The following COL21A1 variants were observed in gnomAD, a reference collection of about 807,000 sequenced individuals.
COL21A1 encodes the protein collagen alpha-1(XXI) chain.
In COL21A1, 149 loss-of-function variants were observed where a neutral mutation model predicts 137.9. The ratio of observed to expected loss-of-function variants is 1.08; its 90% confidence interval spans 0.95 to 1.24. The LOEUF (loss-of-function observed/expected upper bound fraction) is 1.24. Ranked by LOEUF, COL21A1 falls within the 50% of genes most tolerant of loss-of-function variation. The probability of loss-of-function intolerance (pLI) is 0.00; values close to 1 mark genes in which losing one functional copy is unlikely to be tolerated. For synonymous variants in COL21A1, 456 were observed against 391.5 expected (o/e 1.16, Z -1.95); for missense variants, 1,167 against 1,158.4 (o/e 1.01, Z -0.11).
At chr6:56,194,854 ACTTAATC>A (rs1167988991) in intron 1 of COL21A1, among the ~76,000 whole-genome samples, 1 of 152,194 alleles carries the variant, frequency 6.6e-6, no homozygotes, top group Non-Finnish European at 1.5e-5. Flanking sequence ...TCATGTTAAA[ACTTAATC>A]CTTAATGCAG....
At chr6:56,319,611 T>C (rs974019355) in intron 1 of COL21A1, among the ~76,000 whole-genome samples, 10 of 152,194 alleles carry the variant, frequency 6.6e-5, no homozygotes, top group Non-Finnish European at 1.5e-4. Context: ...GTGTTGGCAT[T>C]ATAGGCATGA....
At chr6:56,196,814 T>C (rs1779051017) in intron 1 of COL21A1, among the ~76,000 whole-genome samples, 1 of 152,064 alleles carries the variant, frequency 6.6e-6, no homozygotes, top group Non-Finnish European at 1.5e-5. Flanking sequence ...CCCAAAGGGA[T>C]CTATAGATTT....
chr6:56,393,784 G>T (rs1344512471), intron 1 of COL21A1, among the ~76,000 whole-genome samples: 1 of 152,204 alleles, frequency 6.6e-6, no homozygotes, highest in African/African-American at 2.4e-5. Flanking sequence ...GGGATAAACT[G>T]CCTCCAGGAC....
Position 56,148,492 on chromosome 6 carries a change from A to G in COL21A1, c.1435-6509T>C, listed in dbSNP as rs147198508. On this transcript the variant is annotated intron_variant, in intron 10 of 29. Coordinates refer to ENST00000244728, the MANE Select transcript of COL21A1 (RefSeq NM_030820.4). ...CTTTGTAAGTAAGCCATCTCTTGTA[A>G]TTCTCTTCTCCAAGCTAAATAATAG... Among the ~76,000 whole-genome samples the G allele has an allele frequency of 2.9e-3, 443 of 152,116 alleles. 2 individuals carry two copies. The highest frequency in any genetic ancestry group is 0.01 in the African/African-American group (418 of 41,500).
intron 1 of COL21A1, among the ~76,000 whole-genome samples, chr6:56,393,608 A>G (rs1240429874): frequency 2.0e-5 from 3 of 152,226 alleles, no homozygotes; most frequent in African/African-American, 7.2e-5. Context: ...GGAAAGACAA[A>G]ATAGTGTATA....
chr6:56,175,774 A>G (rs1777421975), intron 3 of COL21A1, among the ~76,000 whole-genome samples: 1 of 152,162 alleles, frequency 6.6e-6, no homozygotes, highest in Non-Finnish European at 1.5e-5. Context: ...GAAGTAGAAA[A>G]AGCATTCCTA....
intron 17 of COL21A1, among the ~76,000 whole-genome samples, chr6:56,079,064 A>G (rs1425641521): frequency 6.6e-6 from 1 of 151,712 alleles, no homozygotes; most frequent in African/African-American, 2.4e-5. Context: ...CATTATTCAA[A>G]ATAAGGGCCT....
At chr6:56,328,375 G>A (rs1049339189) in intron 1 of COL21A1, among the ~76,000 whole-genome samples, 1 of 152,038 alleles carries the variant, frequency 6.6e-6, no homozygotes, top group African/African-American at 2.4e-5. Flanking sequence ...GAGTATAATT[G>A]TCTCTTCAAT....
Position 56,171,016 on chromosome 6 carries a change from T to C in COL21A1, c.753A>G (p.Pro251=). The change falls in exon 4 of 30, where the codon CCA becomes CCG. Residue 251 remains proline (P), a synonymous_variant. Coordinates refer to ENST00000244728, the MANE Select transcript of COL21A1 (RefSeq NM_030820.4). ...TTACTTCATATCCTTTTATCTTTTT[T>C]GGTGAAAGCTGTATTCTTTTCTTAA... ...KKVKKRIQLS[P]KKIKGYEVTS... is the part of the protein sequence containing the mutation. The C allele has an allele frequency of 6.2e-7, 1 of 1,607,332 alleles. No homozygotes were observed. Among genetic ancestry groups the C allele is most frequent in the East Asian group, 2.2e-5 (1 of 44,774 alleles).
rs138594043 is a variant in COL21A1, at chr6:56,332,580, GC to G, written c.-39+61390del. Among the ~76,000 whole-genome samples the G allele has an allele frequency of 3.1e-4, 46 of 147,566 alleles. No individual in the cohort carries two copies. The East Asian group carries it at 8.6e-3, about 28-fold the overall frequency. ...GGTTTTTAATACATGTCACCAAATA[GC>G]CCCCCCGCCCCCGCCAAAAAGGGTT... is the stretch of plus-strand genomic sequence containing the variant. On this transcript the variant is annotated intron_variant, in intron 1 of 28. Transcript: ENST00000370819.
rs374806511 is a variant in COL21A1, at chr6:56,178,123, AC to A, written c.640+1454del. On this transcript the variant is annotated intron_variant, in intron 3 of 29. Coordinates refer to ENST00000244728, the MANE Select transcript of COL21A1 (RefSeq NM_030820.4). ...AAAAAGTCTCTGAAGCAAATATTGA[AC>A]AAACATTTTATCAGTTACATTTATA... Among the ~76,000 whole-genome samples the A allele has an allele frequency of 1.1e-4, 17 of 152,318 alleles. No homozygotes were observed. In the South Asian group the frequency reaches 2.9e-3, roughly 26 times the overall value.
chr6:56,332,892 A>G (rs1765261421), intron 1 of COL21A1, among the ~76,000 whole-genome samples: 2 of 151,738 alleles, frequency 1.3e-5, no homozygotes, highest in South Asian at 4.2e-4. Context: ...CTTTGTAAAA[A>G]CTCTTTAGGT....
intron 1 of COL21A1, among the ~76,000 whole-genome samples, chr6:56,389,471 C>T (rs543257311): frequency 2.0e-5 from 3 of 149,968 alleles, no homozygotes; most frequent in African/African-American, 7.3e-5. Context: ...CTAAGAGTTA[C>T]TGGCCTTAAA....
At chr6:56,330,876 A>T (rs1053947895) in intron 1 of COL21A1, among the ~76,000 whole-genome samples, 2 of 152,140 alleles carry the variant, frequency 1.3e-5, no homozygotes. Flanking sequence ...AGAAATCTCC[A>T]TACTGTTTTC....
intron 17 of COL21A1, among the ~76,000 whole-genome samples, chr6:56,080,684 T>G (rs1767675691): frequency 6.6e-6 from 1 of 151,860 alleles, no homozygotes; most frequent in African/African-American, 2.4e-5. Flanking sequence ...ATCTAAACTA[T>G]TAATGGTATT....
intron 17 of COL21A1, among the ~76,000 whole-genome samples, chr6:56,095,626 G>A (rs1769244760): frequency 1.3e-5 from 2 of 152,072 alleles, no homozygotes; most frequent in East Asian, 1.9e-4. Flanking sequence ...GTACCGCATG[G>A]CAGCCTCAAC....
chr6:56,057,663 G>A lies in COL21A1; in HGVS notation c.2868C>T (p.Asn956=), dbSNP rs371479157. The A allele has an allele frequency of 6.2e-7, 1 of 1,612,750 alleles. No homozygotes were observed. Among genetic ancestry groups the A allele is most frequent in the Admixed American group, 1.7e-5 (1 of 59,920 alleles). The part of the protein sequence containing the change: ...ARRDPFRKGP[N]Y ...CTGAATGAGGCATCAGACACTAATA[G>A]TTTGGTCCTTTTCTGAACGGATCTC... The change falls in exon 30 of 30, where the codon AAC becomes AAT. Residue 956 remains asparagine (N), a synonymous_variant. Coordinates refer to ENST00000244728, the MANE Select transcript of COL21A1 (RefSeq NM_030820.4).
intron 27 of COL21A1, 78 bp downstream of exon 27, chr6:56,060,663 C>T (rs950239277): frequency 2.5e-6 from 3 of 1,203,644 alleles, no homozygotes; most frequent in African/African-American, 1.5e-5. Flanking sequence ...CACTTATATC[C>T]TCTACAATAT....
intron 1 of COL21A1, among the ~76,000 whole-genome samples, chr6:56,337,761 A>G (rs1280389430): frequency 2.6e-5 from 4 of 152,206 alleles, no homozygotes; most frequent in Non-Finnish European, 4.4e-5. Context: ...TGTGTGCTAT[A>G]TCAAACTTTT....
Sources: gnomAD v4.1 joint callset for allele counts (sites outside exome capture counted in the v4.1 genomes callset) on GRCh38, gnomAD v4.1.1 for gene constraint, MANE v1.5 for transcripts, NCBI Gene and HGNC (gene_info 2026-07-23, HGNC 2026-07-21) for gene names.